SCAF8: variants seen among roughly 807,000 people sequenced by gnomAD.
The protein encoded by SCAF8 is SR-related and CTD-associated factor 8.
A neutral mutation model predicts 140.5 loss-of-function variants in SCAF8; 23 were observed. The ratio of observed to expected loss-of-function variants is 0.16; its 90% confidence interval spans 0.12 to 0.23. The LOEUF (loss-of-function observed/expected upper bound fraction) is 0.23. Among genes scored for constraint, SCAF8 ranks in the 10% least tolerant of loss-of-function variants. The pLI, the probability that SCAF8 is intolerant of heterozygous loss-of-function variation, is 1.00. For synonymous variants in SCAF8, 575 were observed against 528.9 expected (o/e 1.09, Z -1.20); for missense variants, 1,397 against 1,555.7 (o/e 0.90, Z 1.72).
At chr6:154,828,497 T>C (rs1280988195) in intron 18 of SCAF8, among the ~76,000 whole-genome samples, 2 of 152,164 alleles carry the variant, frequency 1.3e-5, no homozygotes, top group Middle Eastern at 3.4e-3. Flanking sequence ...GATTAATGGA[T>C]TTTTACTTCT....
intron 1 of SCAF8, among the ~76,000 whole-genome samples, chr6:154,771,997 TATG>T (rs2114843092): frequency 6.6e-6 from 1 of 152,236 alleles, no homozygotes; most frequent in Non-Finnish European, 1.5e-5. Context: ...GTGGTCATGG[TATG>T]GTGGTTAGAA....
intron 1 of SCAF8, among the ~76,000 whole-genome samples, chr6:154,767,481 G>A (rs12214221): frequency 0.047 from 7,031 of 150,652 alleles, 230 homozygotes; most frequent in Non-Finnish European, 0.074. Context: ...TGATATCTGG[G>A]AAATCATGTG....
rs759745339 is a variant in SCAF8, at chr6:154,832,405, A to G, written c.2826A>G (p.Ile942Met). 6.2e-7 allele frequency: 1 copy of G among 1,614,130 alleles called. No individual in the cohort carries two copies. Reference protein sequence around the residue: ...PQAPGPRFPLIQPGIPPQRGI... With the variant: ...PQAPGPRFPLMQPGIPPQRGI... ...CACCTGGGCCAAGATTCCCTTTAATACAGCCTGGAATTCCACCCCAACGGG... is the reference window on the plus strand; with the variant it reads ...CACCTGGGCCAAGATTCCCTTTAATGCAGCCTGGAATTCCACCCCAACGGG... Residue 942 changes from isoleucine (I) to methionine (M), a missense_variant, in exon 20 of 20, where the codon ATA becomes ATG. Around this residue, in one of 5 missense-constraint regions of SCAF8, gnomAD observed 930 missense variants for 874.6 expected, o/e 1.06. Transcript: ENST00000367178.
At position 154,831,132 on chromosome 6, in the gene SCAF8, C is replaced by G. The variant is rs1778718754; in HGVS notation, c.2351C>G (p.Thr784Ser). 1.9e-6 allele frequency: 3 copies of G among 1,577,100 alleles called. No homozygotes were observed. Among genetic ancestry groups the G allele is most frequent in the South Asian group, 1.1e-5 (1 of 89,108 alleles). The change falls in exon 19 of 20, where the codon ACC becomes AGC. Residue 784 changes from threonine (T) to serine (S), a missense_variant. Thr to Ser is a moderately conservative substitution (Grantham distance 58). This residue lies in a region of SCAF8 where 930 missense variants were observed against 874.6 expected (regional missense o/e 1.06). Coordinates refer to ENST00000367178, the MANE Select transcript of SCAF8 (RefSeq NM_014892.5). ...IDHQISSGENTRSVIPNDISS... is the reference protein window; with the variant it reads ...IDHQISSGENSRSVIPNDISS... ...CACCAGATTTCTTCTGGTGAAAACA[C>G]CAGATCAGGTAAATAATAATAATAA...
chr6:154,747,596 G>A (rs886876676), intron 1 of SCAF8, among the ~76,000 whole-genome samples: 5 of 152,140 alleles, frequency 3.3e-5, no homozygotes, highest in African/African-American at 1.2e-4. Context: ...GCTATGCTTT[G>A]CTGGGCTCAG....
intron 1 of SCAF8, among the ~76,000 whole-genome samples, chr6:154,756,503 G>C (rs1193778525): frequency 1.3e-5 from 2 of 152,184 alleles, no homozygotes; most frequent in Non-Finnish European, 2.9e-5. Flanking sequence ...ACGAATGTTG[G>C]CTTGGCCTGT....
chr6:154,803,420 A>T (rs1339956425), intron 7 of SCAF8, 124 bp from the exon 8 acceptor site: 6 of 709,378 alleles, frequency 8.5e-6, no homozygotes, highest in Non-Finnish European at 1.2e-5. Context: ...AAGTGATACA[A>T]AATGTTTATT....
intron 1 of SCAF8, among the ~76,000 whole-genome samples, chr6:154,770,671 A>G (rs1010852387): frequency 6.6e-6 from 1 of 152,166 alleles, no homozygotes; most frequent in Non-Finnish European, 1.5e-5. Context: ...ATGAGAACTT[A>G]AGGAGGAAGC....
chr6:154,805,354 T>G lies in SCAF8; in HGVS notation c.864-15T>G. ...GTGGGTTTTAAAATATGTTTCCACC[T>G]GTTTTTCCTTTTAGTTCTCACGTTT... On this transcript the variant is annotated splice_polypyrimidine_tract_variant and intron_variant, in intron 8 of 19. Transcript: ENST00000367178. 1 of 1,460,112 alleles carries G rather than the reference T, an allele frequency of 6.8e-7. No homozygotes were observed. Among genetic ancestry groups the G allele is most frequent in the Non-Finnish European group, 9.6e-7 (1 of 1,043,516 alleles). The allele number at this position is 1,460,112 out of a possible 1,614,324, so 90.4% of individuals were successfully genotyped here. A position where few individuals can be genotyped will look rare whatever the true frequency, so the allele number is the denominator to read the frequency against.
rs921902046 is a variant in SCAF8, at chr6:154,733,495, G to A, written c.-406G>A. On this transcript the variant is annotated 5_prime_UTR_variant, in exon 1 of 20. Coordinates refer to ENST00000367178, the MANE Select transcript of SCAF8 (RefSeq NM_014892.5). ...CGGGGCTGGTTCCTGCGGCCCGAGC[G>A]GCGGGGAGGTGAAACAGGAGCCCGT... is the stretch of plus-strand genomic sequence containing the variant. 22 of 1,322,572 alleles carry A rather than the reference G, an allele frequency of 1.7e-5. No homozygotes were observed. The highest frequency in any genetic ancestry group is 2.0e-5 in the South Asian group (1 of 49,892). 81.9% of individuals were successfully genotyped at this position (1,322,572 alleles called of 1,614,324 possible).
chr6:154,791,782 C>T (rs1464747317), intron 4 of SCAF8, among the ~76,000 whole-genome samples: 1 of 152,054 alleles, frequency 6.6e-6, no homozygotes, highest in Non-Finnish European at 1.5e-5. Context: ...AGAACTCTGA[C>T]TATTTGAGTA....
chr6:154,795,272 T>C (rs1220910921), intron 6 of SCAF8, 133 bp downstream of exon 6: 3 of 657,254 alleles, frequency 4.6e-6, no homozygotes, highest in East Asian at 3.3e-5. Flanking sequence ...ATGTATACTT[T>C]GTTACTTACT....
chr6:154,777,019 A>G (rs946737849), intron 2 of SCAF8, among the ~76,000 whole-genome samples: 1 of 152,288 alleles, frequency 6.6e-6, no homozygotes, highest in African/African-American at 2.4e-5. Flanking sequence ...CGTCTCTACT[A>G]AAAATACAAA....
At chr6:154,828,425 C>A (rs1463658568) in intron 18 of SCAF8, among the ~76,000 whole-genome samples, 1 of 151,948 alleles carries the variant, frequency 6.6e-6, no homozygotes, top group African/African-American at 2.4e-5. Flanking sequence ...TTCTCTTCAT[C>A]TTCTCCTCCC....
chr6:154,794,301 T>G (rs1000238388), intron 5 of SCAF8, among the ~76,000 whole-genome samples: 2 of 152,186 alleles, frequency 1.3e-5, no homozygotes, highest in African/African-American at 4.8e-5. Flanking sequence ...GAATATTTCC[T>G]CATGTTACTG....
intron 1 of SCAF8, among the ~76,000 whole-genome samples, chr6:154,767,529 CTTTTTTTTTTTTT>C (rs71021076): frequency 3.3e-5 from 3 of 91,036 alleles, no homozygotes; most frequent in Non-Finnish European, 4.4e-5. Context: ...CTTCTGTTAT[CTTTTTTTTTTTTT>C]TTTTTTTTTT....
chr6:154,794,840 C>A (rs2114884396), intron 5 of SCAF8, among the ~76,000 whole-genome samples, 169 bp from the exon 6 acceptor site: 4 of 129,784 alleles, frequency 3.1e-5, no homozygotes, highest in Non-Finnish European at 4.7e-5. Flanking sequence ...TTTAATGTAC[C>A]TAATTCTGTA....
chr6:154,773,845 T>C, intron 1 of SCAF8, 144 bp from the exon 2 acceptor site: 1 of 630,188 alleles, frequency 1.6e-6, no homozygotes, highest in Non-Finnish European at 2.9e-6. Flanking sequence ...TGCATTTGCC[T>C]TATGGGCAGT....
chr6:154,739,297 CT>C (rs1778507816), intron 1 of SCAF8, among the ~76,000 whole-genome samples: 1 of 152,124 alleles, frequency 6.6e-6, no homozygotes, highest in South Asian at 2.1e-4. Flanking sequence ...TGGCCAGATT[CT>C]TTTAAATTTT....
Sources: allele counts gnomAD v4.1 joint callset (sites outside exome capture counted in the v4.1 genomes callset), GRCh38; gene constraint gnomAD v4.1.1; regional missense constraint gnomAD v4.1.1; transcripts MANE v1.5; gene names NCBI Gene and HGNC (gene_info 2026-07-23, HGNC 2026-07-21).